Variants in FANCA observed in about 807,000 individuals in gnomAD.
FANCA encodes Fanconi anemia group A protein.
In FANCA, 236 loss-of-function variants were observed where a neutral mutation model predicts 194.3. That is an observed-to-expected ratio of 1.21 (90% CI 1.09 to 1.35). The LOEUF is 1.35. Ranked by LOEUF, FANCA falls within the 40% of genes most tolerant of loss-of-function variation. FANCA has a pLI of 0.00. For synonymous variants in FANCA, 1,014 were observed against 715.8 expected (o/e 1.42, Z -6.65); for missense variants, 2,628 against 1,813.9 (o/e 1.45, Z -8.15).
intron 5 of FANCA, among the ~76,000 whole-genome samples, chr16:89,809,784 C>T (rs950780982): frequency 4.0e-5 from 6 of 150,734 alleles, no homozygotes; most frequent in African/African-American, 1.2e-4. Flanking sequence ...ACCCGGGAGG[C>T]GGACGTTGCG....
At chr16:89,783,589 C>T (rs902172971) in intron 15 of FANCA, among the ~76,000 whole-genome samples, 17 of 151,546 alleles carry the variant, frequency 1.1e-4, no homozygotes, top group African/African-American at 4.1e-4. Flanking sequence ...CAATAGAAGG[C>T]TGCTTCCCCA....
intron 12 of FANCA, 47 bp downstream of exon 12, chr16:89,792,423 TC>T (rs1567636615): frequency 6.4e-7 from 1 of 1,571,802 alleles, no homozygotes; most frequent in Non-Finnish European, 8.7e-7. Context: ...CAGATCTTAA[TC>T]CCCCCGCCAC....
At chr16:89,753,606 A>T (rs937764345) in intron 30 of FANCA, among the ~76,000 whole-genome samples, 1 of 152,244 alleles carries the variant, frequency 6.6e-6, no homozygotes, top group African/African-American at 2.4e-5. Context: ...ATCAACCAGG[A>T]ACAAAGGAAA....
intron 31 of FANCA, 38 bp from the exon 32 acceptor site, chr16:89,749,940 G>T (rs1158723397): frequency 2.5e-6 from 4 of 1,611,430 alleles, no homozygotes; most frequent in Non-Finnish European, 2.5e-6. Flanking sequence ...GAAGGCCTCG[G>T]GGCTCACTGC....
chr16:89,774,452 C>A (rs1016032197), intron 21 of FANCA, among the ~76,000 whole-genome samples: 4 of 152,084 alleles, frequency 2.6e-5, no homozygotes, highest in Admixed American at 2.6e-4. Flanking sequence ...GTGGGTCGGC[C>A]GGGCATGGGG....
intron 28 of FANCA, among the ~76,000 whole-genome samples, chr16:89,762,242 CTTCT>C (rs533677042): frequency 1.3e-3 from 202 of 152,278 alleles, no homozygotes; most frequent in Middle Eastern, 0.01. Context: ...TACTGTAATC[CTTCT>C]TTCTAAGTAT....
At chr16:89,814,452 G>A in intron 3 of FANCA, 68 bp downstream of exon 3, 1 of 1,231,772 alleles carries the variant, frequency 8.1e-7, no homozygotes, top group Non-Finnish European at 1.2e-6. Context: ...ACTTAATTTA[G>A]CAAACTATGG....
chr16:89,768,140 G>A (rs1416509632), intron 26 of FANCA, among the ~76,000 whole-genome samples: 3 of 152,168 alleles, frequency 2.0e-5, no homozygotes, highest in Non-Finnish European at 4.4e-5. Flanking sequence ...CTAGCTGGGT[G>A]TGTGGGTGTG....
chr16:89,775,379 C>G (rs532836718), intron 21 of FANCA, among the ~76,000 whole-genome samples: 1 of 152,222 alleles, frequency 6.6e-6, no homozygotes, highest in South Asian at 2.1e-4. Context: ...ACACTCCCTA[C>G]GACAGGCTCG....
intron 29 of FANCA, among the ~76,000 whole-genome samples, chr16:89,759,259 G>T (rs1488720530): frequency 1.4e-5 from 2 of 141,514 alleles, no homozygotes; most frequent in African/African-American, 2.6e-5. Context: ...GGTGGAGCTT[G>T]CAGTGAGCTG....
chr16:89,784,846 C>A lies in FANCA; in HGVS notation c.1470+8G>T. 1 of 1,603,450 alleles carries A rather than the reference C, an allele frequency of 6.2e-7. No homozygotes were observed. The highest frequency in any genetic ancestry group is 1.1e-5 in the South Asian group (1 of 90,894). ...CAGAAATCATGGATGTGGCAGCCAG[C>A]TTCTCACCTGCAGGTACCGGGGAGA... is the stretch of plus-strand genomic sequence containing the variant. On this transcript the variant is annotated splice_region_variant and intron_variant, in intron 15 of 42. Coordinates refer to ENST00000389301, the MANE Select transcript of FANCA (RefSeq NM_000135.4).
chr16:89,810,674 A>G, intron 5 of FANCA, 33 bp downstream of exon 5: 1 of 1,358,294 alleles, frequency 7.4e-7, no homozygotes. Flanking sequence ...TGCCTGGAAC[A>G]CTGGAGAGTC....
chr16:89,750,084 C>T (rs1384089489), intron 31 of FANCA, among the ~76,000 whole-genome samples, 182 bp from the exon 32 acceptor site: 1 of 152,186 alleles, frequency 6.6e-6, no homozygotes, highest in Non-Finnish European at 1.5e-5. Flanking sequence ...CAGTGCAGGC[C>T]GGGTGCTGTG....
intron 8 of FANCA, among the ~76,000 whole-genome samples, chr16:89,801,083 C>T (rs536656270): frequency 9.1e-4 from 137 of 150,298 alleles, no homozygotes; most frequent in African/African-American, 3.3e-3. Context: ...CGGTAGCCCA[C>T]GCCTATAATC....
At chr16:89,755,357 G>C (rs2038733610) in intron 30 of FANCA, among the ~76,000 whole-genome samples, 1 of 152,080 alleles carries the variant, frequency 6.6e-6, no homozygotes. Context: ...GGGATTACAG[G>C]CGCCTGCCAC....
chr16:89,764,841 C>T, intron 28 of FANCA, 49 bp downstream of exon 28: 1 of 1,602,930 alleles, frequency 6.2e-7, no homozygotes, highest in Non-Finnish European at 8.5e-7. Flanking sequence ...CACACACAAA[C>T]CCTAGACTCA....
At chr16:89,804,883 A>G (rs2040580121) in intron 7 of FANCA, among the ~76,000 whole-genome samples, 1 of 152,056 alleles carries the variant, frequency 6.6e-6, no homozygotes, top group Non-Finnish European at 1.5e-5. Context: ...AATACAAAAA[A>G]AAAATTAGCC....
chr16:89,780,717 C>T (rs1308651194), intron 17 of FANCA, among the ~76,000 whole-genome samples: 1 of 151,576 alleles, frequency 6.6e-6, no homozygotes, highest in East Asian at 1.9e-4. Flanking sequence ...TCACTTGAGC[C>T]CAGGAGTTTA....
intron 26 of FANCA, 93 bp from the exon 27 acceptor site, chr16:89,767,330 T>C: frequency 1.1e-6 from 1 of 914,946 alleles, no homozygotes; most frequent in Non-Finnish European, 1.7e-6. Context: ...CTGAATTTAG[T>C]GCATTCCGAA....
Sources: gnomAD v4.1 joint callset for allele counts (sites outside exome capture counted in the v4.1 genomes callset) on GRCh38, gnomAD v4.1.1 for gene constraint, MANE v1.5 for transcripts, NCBI Gene and HGNC (gene_info 2026-07-23, HGNC 2026-07-21) for gene names.